The following ZNF184 variants were observed in gnomAD, a reference collection of about 807,000 sequenced individuals.
The protein encoded by ZNF184 is zinc finger protein 184, also known as zinc finger protein 184 (Kruppel-like).
ZNF184 carries 16 observed loss-of-function variants against 54.4 expected under a neutral mutation model. The ratio of observed to expected loss-of-function variants is 0.29; its 90% CI spans 0.20 to 0.45. The LOEUF (loss-of-function observed/expected upper bound fraction) is 0.45. Ranked by LOEUF, ZNF184 falls within the 20% of genes least tolerant of loss-of-function variation. The pLI, the probability that ZNF184 is intolerant of heterozygous loss-of-function variation, is 1.00. For synonymous variants in ZNF184, 254 were observed against 295.3 expected (o/e 0.86, Z 1.43); for missense variants, 681 against 888.2 (o/e 0.77, Z 2.97).
intron 3 of ZNF184, among the ~76,000 whole-genome samples, chr6:27,461,736 AGGT>A (rs1244314807): frequency 2.0e-5 from 3 of 152,160 alleles, no homozygotes; most frequent in East Asian, 1.9e-4. Flanking sequence ...TGGTGTAGGG[AGGT>A]GGAACCTAGG....
chr6:27,421,541 G>C, the ZNF184 span, among the ~76,000 whole-genome samples: 5 of 152,138 alleles, frequency 3.3e-5, no homozygotes, highest in African/African-American at 1.2e-4. Flanking sequence ...TGAAGTATCT[G>C]TCCACGTACA....
chr6:27,456,079 G>A (rs556815379), intron 5 of ZNF184, among the ~76,000 whole-genome samples: 26 of 152,144 alleles, frequency 1.7e-4, no homozygotes, highest in African/African-American at 5.5e-4. Context: ...GCAACATGGC[G>A]AAACCGTGTC....
chr6:27,424,253 T>C, the ZNF184 span, among the ~76,000 whole-genome samples: 38 of 152,340 alleles, frequency 2.5e-4, no homozygotes, highest in East Asian at 7.3e-3. Context: ...CGCTGCAGAC[T>C]TTTGTGATGA....
the ZNF184 span, among the ~76,000 whole-genome samples, chr6:27,435,809 G>T: frequency 6.6e-6 from 1 of 151,254 alleles, no homozygotes; most frequent in Non-Finnish European, 1.5e-5. Flanking sequence ...TTGGCCCAAG[G>T]GTCCCTCTTT....
the ZNF184 span, among the ~76,000 whole-genome samples, chr6:27,424,970 C>T: frequency 7.9e-5 from 12 of 152,338 alleles, no homozygotes; most frequent in East Asian, 2.1e-3. Flanking sequence ...GAGGCCTGCC[C>T]CGCGGGAAGG....
intron 2 of ZNF184, among the ~76,000 whole-genome samples, chr6:27,470,639 G>C (rs1031471761): frequency 6.6e-6 from 1 of 152,136 alleles, no homozygotes; most frequent in Non-Finnish European, 1.5e-5. Context: ...TAGGAAAACA[G>C]AATCAAGAGA....
In ZNF184 at chr6:27,472,430, T is replaced by C; in HGVS notation, c.-136A>G. 8.9e-7 allele frequency: 1 copy of C among 1,121,284 alleles called. No individual in the cohort carries two copies. Among genetic ancestry groups the C allele is most frequent in the Non-Finnish European group, 1.3e-6 (1 of 761,700 alleles). 69.5% of individuals were successfully genotyped at this position (1,121,284 alleles called of 1,614,324 possible). On this transcript the variant is annotated 5_prime_UTR_variant, in exon 2 of 6. Transcript: ENST00000683788. This position sits in a 1 kb window ranked among gnomAD's most constrained non-coding sequence, Gnocchi z 4.8. ...GAATCTGCAACACGCTGAGGTTGTC[T>C]ACCCTAAAAGACACAGGATGGCGTC...
rs775161269 is a variant in ZNF184 at position 27,457,460 on chromosome 6, G to C, written c.76-51C>G. The C allele has an allele frequency of 5.0e-6, 8 of 1,599,386 alleles. No homozygotes were observed. In the East Asian group the frequency reaches 1.8e-4, roughly 36 times the overall value. On this transcript the variant is annotated intron_variant, in intron 3 of 5. Transcript: ENST00000683788. ...TAGCCATAAGCATTTACTTAGGAAA[G>C]GGGTAAAGTTAGCAATACTGACAGA...
Position 27,453,843 on chromosome 6 carries a change from T to C in ZNF184, c.299-583A>G, listed in dbSNP as rs1420567424. On this transcript the variant is annotated intron_variant, in intron 5 of 5. Transcript: ENST00000683788. This position sits in a 1 kb window ranked among gnomAD's most constrained non-coding sequence, Gnocchi z 4.7. ...AGAAAAGAAATGGAGAGCTGGACTA[T>C]AGTAGCGTTTGTGGAAGTGAAAGAT... Among the ~76,000 whole-genome samples the C allele has an allele frequency of 2.0e-5, 3 of 152,194 alleles. No individual in the cohort carries two copies. Among genetic ancestry groups the C allele is most frequent in the East Asian group, 1.9e-4 (1 of 5,202 alleles).
chr6:27,426,681 C>T, the ZNF184 span, among the ~76,000 whole-genome samples: 3 of 152,330 alleles, frequency 2.0e-5, no homozygotes, highest in Non-Finnish European at 4.4e-5. The surrounding 1 kb of genome is among the most constrained non-coding windows in gnomAD (Gnocchi z 4.2). Flanking sequence ...TAAACCCACA[C>T]GCTATTAGTC....
At chr6:27,411,391 C>T in the ZNF184 span, among the ~76,000 whole-genome samples, 1 of 152,134 alleles carries the variant, frequency 6.6e-6, no homozygotes, top group Non-Finnish European at 1.5e-5. Context: ...AAGAAAGATC[C>T]AGTGAAACTG....
the ZNF184 span, among the ~76,000 whole-genome samples, chr6:27,442,212 G>T: frequency 6.6e-6 from 1 of 152,106 alleles, no homozygotes. Context: ...AGGGACTTGG[G>T]CCGTGATTAC....
the ZNF184 span, among the ~76,000 whole-genome samples, chr6:27,420,326 A>G: frequency 1.3e-4 from 20 of 152,248 alleles, no homozygotes; most frequent in African/African-American, 4.6e-4. Flanking sequence ...TTTTTCCCCA[A>G]AACTGTCTAT....
At chr6:27,424,774 C>G in the ZNF184 span, among the ~76,000 whole-genome samples, 1 of 152,230 alleles carries the variant, frequency 6.6e-6, no homozygotes, top group East Asian at 1.9e-4. Flanking sequence ...CCCAGTGGAC[C>G]CCGCGCTGGG....
the ZNF184 span, among the ~76,000 whole-genome samples, chr6:27,444,795 T>TGCTGACTACCTCACAC: frequency 6.6e-6 from 1 of 152,220 alleles, no homozygotes; most frequent in Non-Finnish European, 1.5e-5. Flanking sequence ...CTACCTCACA[T>TGCTGACTACCTCACAC]GCTGCCTACC....
At chr6:27,470,651 A>C (rs1320958084) in intron 2 of ZNF184, among the ~76,000 whole-genome samples, 1 of 152,218 alleles carries the variant, frequency 6.6e-6, no homozygotes, top group South Asian at 2.1e-4. Context: ...ATCAAGAGAA[A>C]TGTCTCAGGT....
the ZNF184 span, among the ~76,000 whole-genome samples, chr6:27,414,719 T>C: frequency 6.6e-6 from 1 of 152,130 alleles, no homozygotes; most frequent in African/African-American, 2.4e-5. Context: ...TCTTGCTTTA[T>C]TTTTCTTCAT....
chr6:27,409,515 A>AAAAC, the ZNF184 span, among the ~76,000 whole-genome samples: 16 of 149,722 alleles, frequency 1.1e-4, no homozygotes, highest in African/African-American at 3.7e-4. Flanking sequence ...AAAAAAAAAA[A>AAAAC]AAAAAACACA....
the ZNF184 span, among the ~76,000 whole-genome samples, chr6:27,440,936 C>T: frequency 6.6e-6 from 1 of 151,888 alleles, no homozygotes; most frequent in South Asian, 2.1e-4. Flanking sequence ...ACCCGGGAGG[C>T]GGAGCTTGCA....
Sources: gnomAD v4.1 joint callset for allele counts (sites outside exome capture counted in the v4.1 genomes callset) on GRCh38, gnomAD v4.1.1 for gene constraint, Gnocchi (gnomAD v3.1) non-coding constraint, MANE v1.5 for transcripts, NCBI Gene and HGNC (gene_info 2026-07-23, HGNC 2026-07-21) for gene names.